CACNA1C: variants seen among roughly 807,000 people sequenced by gnomAD.
CACNA1C encodes calcium voltage-gated channel subunit alpha1 C.
CACNA1C carries 30 observed loss-of-function variants against 229.0 expected under a neutral mutation model. That is an observed-to-expected ratio of 0.13 (90% CI 0.10 to 0.18). The LOEUF (loss-of-function observed/expected upper bound fraction) is 0.18, where lower values mean the gene tolerates loss of function less well. CACNA1C is among the 10% of genes least tolerant of loss of function. CACNA1C has a pLI of 1.00. For missense variants in CACNA1C, 1,658 were observed against 2,845.0 expected, an observed-to-expected ratio of 0.58 and a Z score of 9.49; for synonymous variants, 1,114 against 1,132.5, an observed-to-expected ratio of 0.98 and a Z score of 0.33.
chr12:2,684,064 G>A (rs2097316062), intron 43 of CACNA1C, among the ~76,000 whole-genome samples: 1 of 152,176 alleles, frequency 6.6e-6, no homozygotes, highest in South Asian at 2.1e-4. Context: ...GGTGGGAGGG[G>A]ACACCAGGTG....
intron 1 of CACNA1C, among the ~76,000 whole-genome samples, chr12:1,998,825 A>G (rs2154477979): frequency 6.6e-6 from 1 of 152,342 alleles, no homozygotes; most frequent in Non-Finnish European, 1.5e-5. Flanking sequence ...TACTTTTGCA[A>G]TTTACATGGT....
intron 8 of CACNA1C, among the ~76,000 whole-genome samples, chr12:2,509,075 A>G (rs1267191698): frequency 6.6e-6 from 1 of 152,240 alleles, no homozygotes; most frequent in Non-Finnish European, 1.5e-5. Context: ...AGTTGGCAAG[A>G]GGCCCACGAT....
chr12:2,530,567 CT>C (rs1212023533), intron 9 of CACNA1C, among the ~76,000 whole-genome samples: 1 of 152,162 alleles, frequency 6.6e-6, no homozygotes, highest in East Asian at 1.9e-4. Context: ...CATAAGTGAC[CT>C]TTTCTGAATG....
chr12:2,685,845 A>G lies in CACNA1C; in HGVS notation c.5680+3A>G, dbSNP rs1380570600. 1 of 1,598,908 alleles carries G rather than the reference A, an allele frequency of 6.3e-7. No homozygotes were observed. The highest frequency in any genetic ancestry group is 2.2e-5 in the East Asian group (1 of 44,774). On this transcript the variant is annotated splice_donor_region_variant and intron_variant, in intron 44 of 46. Transcript: ENST00000399655. ...TTTCCTCCGCTCTGCCTCACTAGGT[A>G]AATGCACCGCTCGCTCTCTGGATGT...
intron 9 of CACNA1C, among the ~76,000 whole-genome samples, chr12:2,534,521 C>T (rs986022957): frequency 2.0e-5 from 3 of 152,240 alleles, no homozygotes; most frequent in Non-Finnish European, 4.4e-5. Context: ...AATCAACCCA[C>T]TCCTTTCTTG....
In CACNA1C at chr12:2,693,010, A is replaced by G. The variant is rs1409679019; in HGVS notation, c.*1811A>G. 6.5e-6 allele frequency: 1 copy of G among 152,678 alleles called. No individual in the cohort carries two copies. The highest frequency in any genetic ancestry group is 1.5e-5 in the Non-Finnish European group (1 of 68,052). 9.5% of individuals were successfully genotyped at this position (152,678 alleles called of 1,614,324 possible). On this transcript the variant is annotated 3_prime_UTR_variant, in exon 47 of 47. Coordinates refer to ENST00000399655, the MANE Select transcript of CACNA1C (RefSeq NM_000719.7). Reference sequence around the variant, plus strand: ...GGAACAAGTTTTCTTTAGTTTGCACAATGAGCAAAGGTATCACCAGTGTAG... The same window carrying G: ...GGAACAAGTTTTCTTTAGTTTGCACGATGAGCAAAGGTATCACCAGTGTAG...
At chr12:2,557,411 G>T (rs897050171) in intron 11 of CACNA1C, among the ~76,000 whole-genome samples, 9 of 152,194 alleles carry the variant, frequency 5.9e-5, no homozygotes, top group Non-Finnish European at 1.2e-4. Flanking sequence ...TCTTGACAAT[G>T]ACAGAACCTA....
At chr12:2,257,876 G>T (rs559511986) in intron 3 of CACNA1C, among the ~76,000 whole-genome samples, 1 of 152,284 alleles carries the variant, frequency 6.6e-6, no homozygotes, top group South Asian at 2.1e-4. Context: ...CTTACTGTTA[G>T]GTTTAACCTT....
rs557721538 is a variant in CACNA1C at position 2,407,947 on chromosome 12, C to T, written c.478-41029C>T. Among the ~76,000 whole-genome samples the T allele has an allele frequency of 3.3e-5, 5 of 152,296 alleles. No homozygotes were observed. In the South Asian group the frequency reaches 1.0e-3, roughly 32 times the overall value. ...CAGCCAAACACCACAAGAAACACTG[C>T]GGCTTCACCCACTCTTCCCCCAGCA... is the stretch of plus-strand genomic sequence containing the variant. On this transcript the variant is annotated intron_variant, in intron 3 of 46. Coordinates refer to ENST00000399655, the MANE Select transcript of CACNA1C (RefSeq NM_000719.7).
intron 1 of CACNA1C, among the ~76,000 whole-genome samples, chr12:2,042,285 C>T (rs1422720057): frequency 6.6e-6 from 1 of 151,348 alleles, no homozygotes; most frequent in Non-Finnish European, 1.5e-5. Flanking sequence ...CCATATTACT[C>T]TGCAACAAAA....
intron 3 of CACNA1C, among the ~76,000 whole-genome samples, chr12:2,304,497 G>C (rs1158216478): frequency 6.6e-6 from 1 of 152,198 alleles, no homozygotes; most frequent in Non-Finnish European, 1.5e-5. Flanking sequence ...TGACACGTTT[G>C]TCCCCCTGTG....
intron 15 of CACNA1C, among the ~76,000 whole-genome samples, chr12:2,584,263 C>G (rs961233863): frequency 2.6e-5 from 4 of 152,244 alleles, no homozygotes; most frequent in African/African-American, 4.8e-5. Flanking sequence ...TCCCTCCCGC[C>G]TGCTCCAGTG....
intron 34 of CACNA1C, among the ~76,000 whole-genome samples, chr12:2,662,247 A>AG (rs2095798710): frequency 5.9e-5 from 9 of 151,448 alleles, no homozygotes; most frequent in Admixed American, 5.9e-4. Flanking sequence ...ATCTCAAAAA[A>AG]AAAAAACAAG....
intron 3 of CACNA1C, among the ~76,000 whole-genome samples, chr12:2,226,798 A>C (rs113508714): frequency 6.6e-5 from 10 of 152,236 alleles, no homozygotes; most frequent in African/African-American, 2.4e-4. Flanking sequence ...GTTGGTTTTC[A>C]GCACGAGTTT....
At position 2,067,357 on chromosome 12, in the gene CACNA1C, G is replaced by A. The variant is rs1160515108; in HGVS notation, c.49+13746G>A. Among the ~76,000 whole-genome samples the A allele has an allele frequency of 1.3e-5, 2 of 152,004 alleles. No homozygotes were observed. Among genetic ancestry groups the A allele is most frequent in the Admixed American group, 6.6e-5 (1 of 15,258 alleles). The stretch of plus-strand genomic sequence containing the variant: ...CAAAGGGCCAGGTGGACTTTCTTTG[G>A]GGAGCATAACAGGAAGAAGATGACA... On this transcript the variant is annotated intron_variant, in intron 1 of 46. Transcript: ENST00000399655. This position sits in a 1 kb window ranked among gnomAD's most constrained non-coding sequence, Gnocchi z 5.3.
intron 3 of CACNA1C, among the ~76,000 whole-genome samples, chr12:2,361,467 C>A (rs1376726072): frequency 6.6e-6 from 1 of 152,032 alleles, no homozygotes; most frequent in East Asian, 1.9e-4. Context: ...GGAAAGGATC[C>A]TTTTTTCCTT....
chr12:1,982,556 C>G (rs1336989179), intron 1 of CACNA1C, among the ~76,000 whole-genome samples: 1 of 151,942 alleles, frequency 6.6e-6, no homozygotes, highest in African/African-American at 2.4e-5. Flanking sequence ...ATTTTATTCT[C>G]TTTTGAGGTT....
intron 3 of CACNA1C, among the ~76,000 whole-genome samples, chr12:2,129,748 C>T (rs1449323991): frequency 6.6e-6 from 1 of 152,138 alleles, no homozygotes; most frequent in Non-Finnish European, 1.5e-5. Flanking sequence ...CGCACAGGGT[C>T]CCGGAACGTC....
At chr12:2,439,144 G>A (rs979061961) in intron 3 of CACNA1C, among the ~76,000 whole-genome samples, 3 of 152,206 alleles carry the variant, frequency 2.0e-5, no homozygotes, top group Admixed American at 6.5e-5. Context: ...AGAACAAGTA[G>A]CCTTATGAGG....
Sources: allele counts gnomAD v4.1 joint callset (sites outside exome capture counted in the v4.1 genomes callset), GRCh38; gene constraint gnomAD v4.1.1; non-coding constraint Gnocchi (gnomAD v3.1); transcripts MANE v1.5; gene names NCBI Gene and HGNC (gene_info 2026-07-23, HGNC 2026-07-21).